The following AK4 variants were observed in gnomAD, a reference collection of about 807,000 sequenced individuals.
The protein encoded by AK4 is adenylate kinase 4, mitochondrial.
In AK4, 13 loss-of-function variants were observed where a neutral mutation model predicts 24.6. The observed-to-expected ratio is 0.53, with a 90% confidence interval of 0.34 to 0.84. The LOEUF (loss-of-function observed/expected upper bound fraction) is 0.84. AK4 is among the 40% of genes least tolerant of loss of function. The probability of loss-of-function intolerance (pLI) is 0.01; values close to 1 mark genes in which losing one functional copy is unlikely to be tolerated. For missense variants in AK4, 192 were observed against 288.2 expected, an observed-to-expected ratio of 0.67 and a Z score of 2.42; for synonymous variants, 88 against 107.0, an observed-to-expected ratio of 0.82 and a Z score of 1.10.
At chr1:65,207,499 A>C (rs1281868524) in intron 2 of AK4, among the ~76,000 whole-genome samples, 1 of 150,354 alleles carries the variant, frequency 6.7e-6, no homozygotes, top group Non-Finnish European at 1.5e-5. Flanking sequence ...GGGCTCACAG[A>C]GTGGTAGGAG....
At chr1:65,202,866 CTT>C (rs34143736) in intron 2 of AK4, among the ~76,000 whole-genome samples, 3,666 of 91,736 alleles carry the variant, frequency 0.04, 82 homozygotes, top group South Asian at 0.12. Flanking sequence ...GCTGTGTAGT[CTT>C]TTTTTTTTTT....
chr1:65,219,811 A>G (rs1251780070), intron 3 of AK4, among the ~76,000 whole-genome samples: 1 of 152,216 alleles, frequency 6.6e-6, no homozygotes, highest in African/African-American at 2.4e-5. Flanking sequence ...CAAATGCACA[A>G]TGACATGACA....
intron 2 of AK4, among the ~76,000 whole-genome samples, chr1:65,197,278 A>G (rs2101050480): frequency 6.6e-6 from 1 of 152,234 alleles, no homozygotes. Context: ...AGTTCCCCAA[A>G]TCGGTTCTAA....
At chr1:65,154,374 G>T in intron 1 of AK4, 1 of 354,712 alleles carries the variant, frequency 2.8e-6, no homozygotes, top group Non-Finnish European at 5.8e-6. Context: ...AATCTTTTGT[G>T]GAACATTTGG....
intron 2 of AK4, among the ~76,000 whole-genome samples, chr1:65,197,549 GTGC>G (rs1340502475): frequency 6.6e-6 from 1 of 152,200 alleles, no homozygotes; most frequent in African/African-American, 2.4e-5. Flanking sequence ...ACACTAACAA[GTGC>G]TTTCTGAAGG....
chr1:65,206,402 A>G (rs1448904670), intron 2 of AK4, among the ~76,000 whole-genome samples: 2 of 152,228 alleles, frequency 1.3e-5, no homozygotes, highest in Admixed American at 6.5e-5. Context: ...CTTAATTGAG[A>G]TACAGTGGGA....
intron 3 of AK4, among the ~76,000 whole-genome samples, chr1:65,222,940 A>G (rs1021120602): frequency 1.3e-5 from 2 of 152,042 alleles, no homozygotes; most frequent in Non-Finnish European, 2.9e-5. Flanking sequence ...TCCATTTTGC[A>G]ATTTTAAGGA....
At chr1:65,224,401 G>A (rs17399831) in intron 3 of AK4, among the ~76,000 whole-genome samples, 292 of 152,324 alleles carry the variant, frequency 1.9e-3, no homozygotes, top group South Asian at 5.2e-3. Context: ...AGAAGACAAG[G>A]TAGTTTTAGG....
intron 2 of AK4, among the ~76,000 whole-genome samples, chr1:65,197,767 C>T (rs1651528560): frequency 6.6e-6 from 1 of 152,184 alleles, no homozygotes. Flanking sequence ...TGTGTTTTAC[C>T]ATACGAGGCT....
At position 65,226,179 on chromosome 1, in the gene AK4, C is replaced by T; in HGVS notation, c.*2C>T. 12 of 1,596,862 alleles carry T rather than the reference C, an allele frequency of 7.5e-6. No homozygotes were observed. The highest frequency in any genetic ancestry group is 2.2e-5 in the East Asian group (1 of 44,682). Reference sequence around the variant, plus strand: ...ATTCAGTCCAAAGAAGCATATTGACCCTGCCCAATGGAAGAACCAGGAAGA... The same window carrying T: ...ATTCAGTCCAAAGAAGCATATTGACTCTGCCCAATGGAAGAACCAGGAAGA... On this transcript the variant is annotated 3_prime_UTR_variant, in exon 5 of 5. Transcript: ENST00000327299.
At chr1:65,180,829 T>C (rs1379574628) in intron 1 of AK4, among the ~76,000 whole-genome samples, 1 of 152,172 alleles carries the variant, frequency 6.6e-6, no homozygotes, top group Non-Finnish European at 1.5e-5. Flanking sequence ...CACACACGTG[T>C]GCACTGCCAT....
intron 1 of AK4, among the ~76,000 whole-genome samples, chr1:65,152,390 T>A (rs1187387680): frequency 5.5e-3 from 182 of 32,832 alleles, no homozygotes; most frequent in South Asian, 9.7e-3. Flanking sequence ...ATATATTTTT[T>A]TTTTTTTTTT....
chr1:65,206,425 T>C (rs1166174319), intron 2 of AK4, among the ~76,000 whole-genome samples: 2 of 152,224 alleles, frequency 1.3e-5, no homozygotes, highest in African/African-American at 4.8e-5. Flanking sequence ...GGTTTTCCCC[T>C]AATTTGTGTA....
intron 1 of AK4, among the ~76,000 whole-genome samples, chr1:65,178,741 G>C (rs981357216): frequency 1.3e-5 from 2 of 152,178 alleles, no homozygotes; most frequent in Non-Finnish European, 2.9e-5. Flanking sequence ...TCTGTCTTCT[G>C]TTCCGTCTTT....
intron 1 of AK4, among the ~76,000 whole-genome samples, chr1:65,187,839 C>T (rs1370879016): frequency 4.6e-5 from 7 of 152,054 alleles, no homozygotes. Context: ...AGTATGTAGC[C>T]AATAAATATA....
In AK4 at chr1:65,228,592, TA is replaced by T. The variant is rs896633924; in HGVS notation, c.*2422del. 6.6e-6 allele frequency: 1 copy of T among 152,166 alleles called. No homozygotes were observed. Among genetic ancestry groups the T allele is most frequent in the African/African-American group, 2.4e-5 (1 of 41,436 alleles). 9.4% of individuals were successfully genotyped at this position (152,166 alleles called of 1,614,324 possible). On this transcript the variant is annotated 3_prime_UTR_variant, in exon 5 of 5. Coordinates refer to ENST00000327299, the MANE Select transcript of AK4 (RefSeq NM_013410.4). Reference sequence around the variant, plus strand: ...ATGCTTATTTCGTGGTCAATGGCTTTAAAAAAATCTGTTTCTTGTTTTCTTC... The same window carrying T: ...ATGCTTATTTCGTGGTCAATGGCTTTAAAAAATCTGTTTCTTGTTTTCTTC...
rs566070255 is a variant in AK4, at chr1:65,226,974, G to A, written c.*797G>A. The A allele has an allele frequency of 3.4e-3, 484 of 143,046 alleles. 1 individual carries two copies. Among genetic ancestry groups the A allele is most frequent in the Middle Eastern group, 0.014 (4 of 278 alleles). The allele number at this position is 143,046 out of a possible 1,614,324, so 8.9% of individuals were successfully genotyped here. A position where few individuals can be genotyped will look rare whatever the true frequency, so the allele number is the denominator to read the frequency against. ...TGAAGAGGATCTTATTAAACTGCTG[G>A]TCTGACTTTATGGATTGACACTGTT... On this transcript the variant is annotated 3_prime_UTR_variant, in exon 5 of 5. Transcript: ENST00000327299.
intron 2 of AK4, among the ~76,000 whole-genome samples, chr1:65,215,745 C>T (rs978983385): frequency 2.6e-5 from 4 of 152,202 alleles, no homozygotes; most frequent in African/African-American, 9.6e-5. Flanking sequence ...GCATTTTACT[C>T]CTCCAGAGGG....
intron 2 of AK4, among the ~76,000 whole-genome samples, chr1:65,196,058 G>A (rs751579479): frequency 3.3e-5 from 5 of 152,076 alleles, no homozygotes; most frequent in Non-Finnish European, 4.4e-5. Flanking sequence ...TTTCAGTTGC[G>A]ATTTTTCTTT....
Sources: gnomAD v4.1 joint callset for allele counts (sites outside exome capture counted in the v4.1 genomes callset) on GRCh38, gnomAD v4.1.1 for gene constraint, MANE v1.5 for transcripts, NCBI Gene and HGNC (gene_info 2026-07-23, HGNC 2026-07-21) for gene names.